Variants in LRRC51 observed in about 807,000 individuals in gnomAD.
The protein encoded by LRRC51 is leucine rich repeat containing 51, also known as leucine-rich repeat-containing protein 51.
In LRRC51, 8 loss-of-function variants were observed where a neutral mutation model predicts 17.8. That is an observed-to-expected ratio of 0.45 (90% confidence interval 0.26 to 0.81). The LOEUF is 0.81. Ranked by LOEUF, LRRC51 falls within the 30% of genes least tolerant of loss-of-function variation. LRRC51 has a pLI of 0.17. For synonymous variants in LRRC51, 92 were observed against 96.0 expected, an observed-to-expected ratio of 0.96 and a Z score of 0.24; for missense variants, 233 against 239.3, an observed-to-expected ratio of 0.97 and a Z score of 0.17.
Position 72,096,779 on chromosome 11 carries a change from C to T in LRRC51, c.*1259C>T, listed in dbSNP as rs1460568530. 3.5e-6 allele frequency: 5 copies of T among 1,433,318 alleles called. No individual in the cohort carries two copies. Among genetic ancestry groups the T allele is most frequent in the Non-Finnish European group, 4.6e-6 (5 of 1,078,916 alleles). The allele number at this position is 1,433,318 out of a possible 1,614,324, so 88.8% of individuals were successfully genotyped here. A position where few individuals can be genotyped will look rare whatever the true frequency, so the allele number is the denominator to read the frequency against. On this transcript the variant is annotated 3_prime_UTR_variant, in exon 6 of 6. Transcript: ENST00000289488. Reference sequence around the variant, plus strand: ...CCTCCATGACAGGCCAAGAAGATGGCCTATGATCTCTGAAACCAGCCCCCA... The same window carrying T: ...CCTCCATGACAGGCCAAGAAGATGGTCTATGATCTCTGAAACCAGCCCCCA...
chr11:72,095,931 C>G lies in LRRC51; in HGVS notation c.*411C>G. The G allele has an allele frequency of 3.6e-6, 1 of 276,824 alleles. No individual in the cohort carries two copies. Among genetic ancestry groups the G allele is most frequent in the Non-Finnish European group, 7.1e-6 (1 of 139,962 alleles). 17.1% of individuals were successfully genotyped at this position (276,824 alleles called of 1,614,324 possible). ...GATCTCAGCTCACTGCAACCTCCGC[C>G]TGCTGGGTTCAAGCGATTCTCCTGC... On this transcript the variant is annotated 3_prime_UTR_variant, in exon 6 of 6. Transcript: ENST00000289488.
Position 72,095,900 on chromosome 11 carries a change from T to A in LRRC51, c.*380T>A. The A allele has an allele frequency of 3.3e-5, 11 of 338,100 alleles. No homozygotes were observed. Among genetic ancestry groups the A allele is most frequent in the South Asian group, 2.7e-4 (11 of 40,888 alleles). The allele number at this position is 338,100 out of a possible 1,614,324, so 20.9% of individuals were successfully genotyped here. ...ACTCGTCACCCCAGCTGGAGTGCAGTGGTGCGATCTCAGCTCACTGCAACC... is the reference window on the plus strand; with the variant it reads ...ACTCGTCACCCCAGCTGGAGTGCAGAGGTGCGATCTCAGCTCACTGCAACC... On this transcript the variant is annotated 3_prime_UTR_variant, in exon 6 of 6. Transcript: ENST00000289488.
intron 1 of LRRC51, among the ~76,000 whole-genome samples, 188 bp downstream of exon 1, chr11:72,081,073 C>A (rs1389689538): frequency 6.6e-6 from 1 of 152,142 alleles, no homozygotes; most frequent in Non-Finnish European, 1.5e-5. Context: ...CGAGGGGGAG[C>A]AGAGGGAGGG....
intron 1 of LRRC51, among the ~76,000 whole-genome samples, chr11:72,086,923 T>C (rs1318107548): frequency 1.3e-5 from 2 of 152,218 alleles, no homozygotes; most frequent in Non-Finnish European, 2.9e-5. Flanking sequence ...TGAGCTTCTA[T>C]CTAAGCTAGG....
intron 3 of LRRC51, among the ~76,000 whole-genome samples, chr11:72,091,774 C>T (rs993153428): frequency 5.3e-5 from 8 of 152,022 alleles, no homozygotes; most frequent in Non-Finnish European, 8.8e-5. Flanking sequence ...TTGGTAGAGA[C>T]GGGGTTTCAT....
At chr11:72,081,427 AAAACAAAACG>A (rs896055886) in intron 1 of LRRC51, among the ~76,000 whole-genome samples, 1 of 152,154 alleles carries the variant, frequency 6.6e-6, no homozygotes, top group African/African-American at 2.4e-5. Flanking sequence ...ATCTCAAAAC[AAAACAAAACG>A]AAACAAAACA....
chr11:72,086,309 C>T, intron 1 of LRRC51: 1 of 664,626 alleles, frequency 1.5e-6, no homozygotes, highest in Admixed American at 2.2e-5. Context: ...TTTCTGTGCT[C>T]ATGACAGGGT....
At chr11:72,089,325 T>C in intron 3 of LRRC51, 160 bp downstream of exon 3, 5 of 1,510,334 alleles carry the variant, frequency 3.3e-6, no homozygotes, top group Middle Eastern at 1.7e-4. Flanking sequence ...AGTGAGAGGT[T>C]TTTTTCTGTC....
chr11:72,095,382 A>G lies in LRRC51; in HGVS notation c.441A>G (p.Gln147=), dbSNP rs1400484530. The change falls in exon 6 of 6, where the codon CAA becomes CAG. Residue 147 remains glutamine (Q), a synonymous_variant. Coordinates refer to ENST00000289488, the MANE Select transcript of LRRC51 (RefSeq NM_145309.6). ...NPMEEEKGYR[Q]YVLCTLSRIT... ...CCAGCCTAAGTCTTCCCCACAGGCA[A>G]TATGTGCTGTGCACCCTGTCCCGTA... is the stretch of plus-strand genomic sequence containing the variant. 2 of 1,613,946 alleles carry G rather than the reference A, an allele frequency of 1.2e-6. No homozygotes were observed. Among genetic ancestry groups the G allele is most frequent in the Middle Eastern group, 1.7e-4 (1 of 6,012 alleles).
rs1487273233 is a variant in LRRC51 at position 72,095,575 on chromosome 11, CAAT to C, written c.*58_*60del. The C allele has an allele frequency of 1.3e-6, 2 of 1,589,522 alleles. No homozygotes were observed. Among genetic ancestry groups the C allele is most frequent in the African/African-American group, 2.7e-5 (2 of 74,402 alleles). On this transcript the variant is annotated 3_prime_UTR_variant, in exon 6 of 6. Transcript: ENST00000289488. ...CCTAAGCATAGACAGCATGGTTTGA[CAAT>C]AAATAATTTGAGCTGTTGAGCAGAT...
intron 3 of LRRC51, among the ~76,000 whole-genome samples, chr11:72,092,202 C>T (rs1944900401): frequency 6.6e-6 from 1 of 152,188 alleles, no homozygotes; most frequent in Admixed American, 6.5e-5. Context: ...ATTCTCAAGT[C>T]TGTGTCTCCT....
intron 3 of LRRC51, 68 bp downstream of exon 3, chr11:72,089,233 C>T (rs774013122): frequency 6.2e-7 from 1 of 1,608,766 alleles, no homozygotes; most frequent in Non-Finnish European, 8.5e-7. Context: ...TAGGAAGAAA[C>T]CATAATCTAC....
chr11:72,092,789 A>T (rs1195135687), intron 3 of LRRC51, among the ~76,000 whole-genome samples: 1 of 152,236 alleles, frequency 6.6e-6, no homozygotes, highest in African/African-American at 2.4e-5. Flanking sequence ...CCTGATAAAC[A>T]TCCCCTAATC....
In LRRC51 at chr11:72,088,292, G is replaced by C. The variant is rs1944658906; in HGVS notation, c.-139-5G>C. On this transcript the variant is annotated splice_polypyrimidine_tract_variant and splice_region_variant and intron_variant, in intron 1 of 5. Transcript: ENST00000289488. ...TGATAACAACATTGTGTTCATCCCT[G>C]TCAGGGAGTATTTCCATTTTAACCG... The C allele has an allele frequency of 1.4e-6, 1 of 696,724 alleles. No homozygotes were observed. The highest frequency in any genetic ancestry group is 1.7e-5 in the African/African-American group (1 of 57,198). The allele number at this position is 696,724 out of a possible 1,614,324, so 43.2% of individuals were successfully genotyped here.
intron 1 of LRRC51, chr11:72,086,455 A>G (rs959743290): frequency 7.1e-6 from 5 of 702,272 alleles, no homozygotes; most frequent in Non-Finnish European, 1.3e-5. Flanking sequence ...CTGGGAACCA[A>G]TTGTTAGAAA....
chr11:72,093,045 C>A (rs568530528), intron 3 of LRRC51, among the ~76,000 whole-genome samples: 2 of 152,172 alleles, frequency 1.3e-5, no homozygotes, highest in African/African-American at 2.4e-5. Context: ...ATATCCAGTA[C>A]CTGGCATACT....
At chr11:72,082,635 A>G (rs1193969369) in intron 1 of LRRC51, among the ~76,000 whole-genome samples, 1 of 152,184 alleles carries the variant, frequency 6.6e-6, no homozygotes, top group Admixed American at 6.5e-5. Flanking sequence ...TATCCACAAT[A>G]TACCCAAGCC....
chr11:72,094,157 G>A (rs1332464126), intron 4 of LRRC51, among the ~76,000 whole-genome samples: 2 of 151,984 alleles, frequency 1.3e-5, no homozygotes, highest in Non-Finnish European at 2.9e-5. Context: ...GTGGTGGCGG[G>A]CGCCTGTAGT....
intron 3 of LRRC51, among the ~76,000 whole-genome samples, chr11:72,091,690 A>T (rs1213083009): frequency 6.6e-6 from 1 of 152,098 alleles, no homozygotes; most frequent in Non-Finnish European, 1.5e-5. Context: ...CCTATTCCCT[A>T]TTCTCTCTCC....
Sources: gnomAD v4.1 joint callset for allele counts (sites outside exome capture counted in the v4.1 genomes callset) on GRCh38, gnomAD v4.1.1 for gene constraint, MANE v1.5 for transcripts, NCBI Gene and HGNC (gene_info 2026-07-23, HGNC 2026-07-21) for gene names.